The following SYNPO variants were observed in gnomAD, a reference collection of about 807,000 sequenced individuals.
SYNPO encodes synaptopodin.
A neutral mutation model predicts 49.5 loss-of-function variants in SYNPO; 19 were observed. The observed-to-expected ratio is 0.38, with a 90% CI of 0.27 to 0.56. The LOEUF (loss-of-function observed/expected upper bound fraction) is 0.56, where lower values mean the gene tolerates loss of function less well. SYNPO is among the 20% of genes least tolerant of loss of function. The pLI is 0.68. For synonymous variants in SYNPO, 536 were observed against 548.0 expected, an observed-to-expected ratio of 0.98 and a Z score of 0.31; for missense variants, 1,131 against 1,248.3, an observed-to-expected ratio of 0.91 and a Z score of 1.42.
the SYNPO span, among the ~76,000 whole-genome samples, chr5:150,596,043 A>T: frequency 4.6e-5 from 7 of 152,240 alleles, no homozygotes; most frequent in African/African-American, 1.7e-4. Flanking sequence ...TCTTGTTTAC[A>T]GGCTTGCCCC....
intron 1 of SYNPO, among the ~76,000 whole-genome samples, chr5:150,605,894 GAC>G (rs1756680699): frequency 1.3e-5 from 2 of 151,386 alleles, no homozygotes; most frequent in African/African-American, 4.9e-5. Context: ...GATATACATA[GAC>G]ACACACAGAT....
chr5:150,656,949 C>A lies in SYNPO; in HGVS notation c.2574C>A (p.Ser858=). 1 of 1,584,864 alleles carries A rather than the reference C, an allele frequency of 6.3e-7. No individual in the cohort carries two copies. The highest frequency in any genetic ancestry group is 8.6e-7 in the Non-Finnish European group (1 of 1,166,444). Residue 858 remains serine, a synonymous_variant, in exon 3 of 3, where the codon TCC becomes TCA. Coordinates refer to ENST00000307662, the MANE Select transcript of SYNPO (RefSeq NM_007286.6). ...PFLYRRSPTD[S]DVSLDSEDSG... The stretch of plus-strand genomic sequence containing the variant: ...TCTACCGCCGCTCGCCCACGGACTC[C>A]GACGTGTCCCTCGACTCCGAGGACT...
At chr5:150,589,076 TC>T in the SYNPO span, among the ~76,000 whole-genome samples, 1 of 151,790 alleles carries the variant, frequency 6.6e-6, no homozygotes, top group East Asian at 1.9e-4. Context: ...TTTTTTTTTT[TC>T]TGGAGACAGA....
chr5:150,589,668 G>C, the SYNPO span, among the ~76,000 whole-genome samples: 1 of 152,220 alleles, frequency 6.6e-6, no homozygotes, highest in Non-Finnish European at 1.5e-5. Flanking sequence ...TTTGAGCAGG[G>C]GAATGACAGG....
intron 1 of SYNPO, among the ~76,000 whole-genome samples, chr5:150,642,704 G>T (rs916868132): frequency 1.3e-4 from 20 of 152,236 alleles, no homozygotes; most frequent in Non-Finnish European, 2.2e-4. Flanking sequence ...AAATCATCTG[G>T]ATGGCTGGCT....
At chr5:150,623,681 T>C (rs1046107599) in intron 2 of SYNPO, among the ~76,000 whole-genome samples, 2 of 152,190 alleles carry the variant, frequency 1.3e-5, no homozygotes, top group African/African-American at 4.8e-5. Context: ...ACAGGGGACA[T>C]CCCAAACCCA....
rs1036778734 is a variant in SYNPO, at chr5:150,650,785, G to A, written c.2028+482G>A. Reference sequence around the variant, plus strand: ...GTCTGCCTCCTCAGCTGCCCCAGGGGGGCCTCCCTCCTGAGGCTCAAGCTC... The same window carrying A: ...GTCTGCCTCCTCAGCTGCCCCAGGGAGGCCTCCCTCCTGAGGCTCAAGCTC... On this transcript the variant is annotated intron_variant, in intron 2 of 2. Coordinates refer to ENST00000307662, the MANE Select transcript of SYNPO (RefSeq NM_007286.6). The A allele has an allele frequency of 1.1e-5, 14 of 1,291,902 alleles. No homozygotes were observed. In the African/African-American group the frequency reaches 1.8e-4, roughly 17 times the overall value. The allele number at this position is 1,291,902 out of a possible 1,614,324, so 80.0% of individuals were successfully genotyped here.
At chr5:150,636,235 C>T (rs1757711346), upstream of SYNPO, among the ~76,000 whole-genome samples, 1 of 152,214 alleles carries the variant, frequency 6.6e-6, no homozygotes, top group South Asian at 2.1e-4. Flanking sequence ...GAAATGTCCA[C>T]TTTAGCCTCT....
chr5:150,655,764 T>C (rs1185278434), intron 2 of SYNPO, among the ~76,000 whole-genome samples: 1 of 152,224 alleles, frequency 6.6e-6, no homozygotes, highest in African/African-American at 2.4e-5. Flanking sequence ...GCGATCCTCC[T>C]GCCTCAGCCC....
intron 1 of SYNPO, among the ~76,000 whole-genome samples, chr5:150,607,525 G>T (rs1756728158): frequency 6.6e-6 from 1 of 152,174 alleles, no homozygotes; most frequent in South Asian, 2.1e-4. Flanking sequence ...GATCTTTATT[G>T]AAGACTTTCT....
rs75825488 is a variant in SYNPO at position 150,627,224 on chromosome 5, G to A, written c.400+8457G>A. 6.6e-3 allele frequency among the ~76,000 whole-genome samples: 1,011 copies of A among 152,358 alleles called. 12 individuals are homozygous for A. Among genetic ancestry groups the A allele is most frequent in the African/African-American group, 0.023 (966 of 41,582 alleles). On this transcript the variant is annotated intron_variant, in intron 2 of 2. Transcript: ENST00000394243. ...GCCCAGATCAGGGCACCGTGGGCCC[G>A]GGGAAGTACAGGGGGGTGCTACTGG...
intron 2 of SYNPO, chr5:150,651,326 G>C: frequency 6.0e-6 from 6 of 1,000,616 alleles, no homozygotes; most frequent in African/African-American, 1.7e-5. Flanking sequence ...TTTGCTGTGT[G>C]ACTTTGGCCC....
intron 1 of SYNPO, among the ~76,000 whole-genome samples, chr5:150,644,916 G>A (rs1278475441): frequency 6.6e-6 from 1 of 152,176 alleles, no homozygotes; most frequent in African/African-American, 2.4e-5. Context: ...GGGTGGGTGG[G>A]ATAGGCTGTG....
intron 1 of SYNPO, among the ~76,000 whole-genome samples, chr5:150,607,131 T>C (rs1170968330): frequency 6.6e-6 from 1 of 152,028 alleles, no homozygotes; most frequent in African/African-American, 2.4e-5. Flanking sequence ...CTAACTTAAA[T>C]ACGTGTCAGG....
the SYNPO span, among the ~76,000 whole-genome samples, chr5:150,591,055 G>C: frequency 6.6e-6 from 1 of 152,126 alleles, no homozygotes; most frequent in Non-Finnish European, 1.5e-5. Context: ...TGAGGCAAAG[G>C]TGCCAGGCCT....
At chr5:150,639,991 T>C, upstream of SYNPO, 1 of 331,500 alleles carries the variant, frequency 3.0e-6, no homozygotes, top group Non-Finnish European at 4.3e-6. Flanking sequence ...CAGCTCTTCC[T>C]CTGGCTGGCT....
intron 2 of SYNPO, among the ~76,000 whole-genome samples, chr5:150,627,299 G>A (rs79788384): frequency 0.021 from 3,192 of 152,280 alleles, 129 homozygotes; most frequent in African/African-American, 0.073. Flanking sequence ...ACAGCAGCAG[G>A]ATAGATCTGC....
chr5:150,621,690 C>T (rs1486216608), intron 2 of SYNPO, among the ~76,000 whole-genome samples: 1 of 152,190 alleles, frequency 6.6e-6, no homozygotes, highest in Non-Finnish European at 1.5e-5. Flanking sequence ...ATATCTTCTG[C>T]TTTGGGCACT....
Position 150,648,144 on chromosome 5 carries a change from C to T in SYNPO, c.-132C>T. The T allele has an allele frequency of 6.4e-7, 1 of 1,553,512 alleles. No homozygotes were observed. Among genetic ancestry groups the T allele is most frequent in the South Asian group, 1.2e-5 (1 of 84,358 alleles). On this transcript the variant is annotated 5_prime_UTR_variant, in exon 2 of 3. Transcript: ENST00000307662. This position sits in a 1 kb window ranked among gnomAD's most constrained non-coding sequence, Gnocchi z 5.0. The stretch of plus-strand genomic sequence containing the variant: ...GGGACAGAAGCCCAGCCAGGAGTCC[C>T]TCAGAGTGCTCCCTTCAAGCCTCCC...
Sources: gnomAD v4.1 joint callset for allele counts (sites outside exome capture counted in the v4.1 genomes callset) on GRCh38, gnomAD v4.1.1 for gene constraint, Gnocchi (gnomAD v3.1) non-coding constraint, MANE v1.5 for transcripts, NCBI Gene and HGNC (gene_info 2026-07-23, HGNC 2026-07-21) for gene names.